The following ASIC2 variants were observed in gnomAD, a reference collection of about 807,000 sequenced individuals.
ASIC2 encodes acid-sensing ion channel 2.
ASIC2 carries 25 observed loss-of-function variants against 57.3 expected under a neutral mutation model. That is an observed-to-expected ratio of 0.44 (90% confidence interval 0.32 to 0.61). The LOEUF is 0.61. ASIC2 is among the 20% of genes least tolerant of loss of function. The pLI, the probability that ASIC2 is intolerant of heterozygous loss-of-function variation, is 0.06. For synonymous variants in ASIC2, 319 were observed against 307.5 expected, an observed-to-expected ratio of 1.04 and a Z score of -0.39; for missense variants, 641 against 738.1, an observed-to-expected ratio of 0.87 and a Z score of 1.52.
At chr17:33,995,331 C>A (rs1029667539) in intron 1 of ASIC2, among the ~76,000 whole-genome samples, 4 of 152,156 alleles carry the variant, frequency 2.6e-5, no homozygotes, top group Non-Finnish European at 5.9e-5. Context: ...GACCTCTTAA[C>A]CTTCAAGGCT....
At chr17:33,263,329 C>CGGGCTG (rs1909350547) in intron 1 of ASIC2, among the ~76,000 whole-genome samples, 2 of 152,342 alleles carry the variant, frequency 1.3e-5, no homozygotes, top group East Asian at 3.9e-4. Flanking sequence ...GCTGTGGCTC[C>CGGGCTG]TGGCTGTGAG....
At chr17:33,748,723 G>A (rs1215184280) in intron 1 of ASIC2, among the ~76,000 whole-genome samples, 1 of 152,182 alleles carries the variant, frequency 6.6e-6, no homozygotes, top group Non-Finnish European at 1.5e-5. Flanking sequence ...GCTGCCTTAC[G>A]GCTCTAGAAC....
At chr17:33,799,264 T>C (rs1187514790) in intron 1 of ASIC2, among the ~76,000 whole-genome samples, 1 of 151,490 alleles carries the variant, frequency 6.6e-6, no homozygotes, top group Non-Finnish European at 1.5e-5. Context: ...CTTCCATCAA[T>C]CCGTTTTTCC....
chr17:33,406,896 A>G (rs575503699), intron 1 of ASIC2, among the ~76,000 whole-genome samples: 1 of 152,352 alleles, frequency 6.6e-6, no homozygotes, highest in African/African-American at 2.4e-5. Context: ...AAGTTATAAT[A>G]GACTAATGTT....
rs933519360 is a variant in ASIC2, at chr17:33,813,728, G to A, written c.555+342250C>T. On this transcript the variant is annotated intron_variant, in intron 1 of 9. Coordinates refer to the ASIC2 transcript ENST00000359872. ...TGGGATTACAGGCGTGAGCCACTGC[G>A]CCCGGCCTAAAGCCAAGTTTTAAAC... 9.2e-5 allele frequency among the ~76,000 whole-genome samples: 14 copies of A among 152,380 alleles called. No homozygotes were observed. The South Asian group carries it at 2.7e-3, about 29-fold the overall frequency.
chr17:33,032,222 A>C (rs1281181667), intron 3 of ASIC2, among the ~76,000 whole-genome samples: 1 of 151,996 alleles, frequency 6.6e-6, no homozygotes, highest in Non-Finnish European at 1.5e-5. Context: ...GGGTTAATTG[A>C]ATATTGTTTT....
intron 1 of ASIC2, among the ~76,000 whole-genome samples, chr17:33,671,734 T>G (rs915257833): frequency 2.6e-5 from 4 of 152,204 alleles, no homozygotes; most frequent in African/African-American, 9.7e-5. Flanking sequence ...AAGTCCAGAT[T>G]AGATGTCAGT....
chr17:33,773,410 G>T (rs547879841), intron 1 of ASIC2, among the ~76,000 whole-genome samples: 1 of 152,242 alleles, frequency 6.6e-6, no homozygotes, highest in East Asian at 1.9e-4. Flanking sequence ...GAATTAGCTT[G>T]TTCTAGCTTT....
rs547440065 is a variant in ASIC2 at position 33,081,348 on chromosome 17, T to C, written c.987+7515A>G. ...AAGTGATTAAGTAGCTAAACTAGCA[T>C]ATGCTTAATTGATTCTTATTCTTGG... On this transcript the variant is annotated intron_variant, in intron 3 of 9. Transcript: ENST00000225823. Among the ~76,000 whole-genome samples, 3 of 152,382 alleles carry C rather than the reference T, an allele frequency of 2.0e-5. No homozygotes were observed. In the South Asian group the frequency reaches 6.2e-4, roughly 32 times the overall value.
chr17:34,125,330 A>G lies in ASIC2; in HGVS notation c.555+30648T>C, dbSNP rs578096335. ...ACGTGTGCGCATGTGTGTGTGGTTT[A>G]TATTGTTTTTATTTCTAATTAACTT... On this transcript the variant is annotated intron_variant, in intron 1 of 9. Coordinates refer to the ASIC2 transcript ENST00000359872. Among the ~76,000 whole-genome samples the G allele has an allele frequency of 1.2e-4, 19 of 152,174 alleles. 1 individual carries two copies. In the South Asian group the frequency reaches 3.3e-3, roughly 27 times the overall value.
intron 3 of ASIC2, among the ~76,000 whole-genome samples, chr17:33,075,980 TA>T (rs2092087683): frequency 6.6e-6 from 1 of 152,146 alleles, no homozygotes; most frequent in Non-Finnish European, 1.5e-5. Flanking sequence ...CTAATGCAAC[TA>T]ATCAATCCAA....
chr17:33,718,525 T>C (rs1360790011), intron 1 of ASIC2, among the ~76,000 whole-genome samples: 1 of 151,834 alleles, frequency 6.6e-6, no homozygotes, highest in Non-Finnish European at 1.5e-5. Flanking sequence ...CCCAACAATT[T>C]CAGGATGTGT....
chr17:33,205,894 C>T (rs186023306), intron 1 of ASIC2, among the ~76,000 whole-genome samples: 89 of 152,324 alleles, frequency 5.8e-4, no homozygotes, highest in Non-Finnish European at 1.6e-4. Context: ...GCCACAAAGA[C>T]CCCCTAATTC....
chr17:33,145,848 A>G (rs1160122957), intron 1 of ASIC2, among the ~76,000 whole-genome samples: 2 of 152,142 alleles, frequency 1.3e-5, no homozygotes, highest in African/African-American at 4.8e-5. Context: ...TGACTTGCTG[A>G]AAGAATTGGT....
At chr17:33,456,529 C>T (rs1045312454) in intron 1 of ASIC2, among the ~76,000 whole-genome samples, 1 of 152,214 alleles carries the variant, frequency 6.6e-6, no homozygotes, top group Non-Finnish European at 1.5e-5. Context: ...ACTGATACAT[C>T]TTTCTGATGG....
At chr17:33,465,011 T>A (rs1912815227) in intron 1 of ASIC2, among the ~76,000 whole-genome samples, 1 of 152,160 alleles carries the variant, frequency 6.6e-6, no homozygotes, top group Non-Finnish European at 1.5e-5. Context: ...TCCATTAAGA[T>A]AATGTCTGGG....
chr17:34,129,813 T>C (rs1005998200), intron 1 of ASIC2, among the ~76,000 whole-genome samples: 1 of 152,204 alleles, frequency 6.6e-6, no homozygotes, highest in Non-Finnish European at 1.5e-5. Flanking sequence ...AAAGCTTCCT[T>C]AAAATCTAGA....
intron 1 of ASIC2, among the ~76,000 whole-genome samples, chr17:33,202,040 A>G (rs570262635): frequency 2.6e-4 from 39 of 151,518 alleles, no homozygotes; most frequent in African/African-American, 8.2e-4. Flanking sequence ...AAAAAAAGAA[A>G]AAGAAAAGAA....
chr17:33,198,898 C>T lies in ASIC2; in HGVS notation c.709-86831G>A, dbSNP rs150039714. ...GATCAGGCCTTGACCATGTCATTAA[C>T]CGTCCTGCTTGGAGACCTGGCTCAT... On this transcript the variant is annotated intron_variant, in intron 1 of 9. Coordinates refer to ENST00000225823, the MANE Select transcript of ASIC2 (RefSeq NM_183377.2). Among the ~76,000 whole-genome samples the T allele has an allele frequency of 3.8e-3, 576 of 152,286 alleles. 3 individuals are homozygous for T. The highest frequency in any genetic ancestry group is 5.9e-3 in the Non-Finnish European group (399 of 68,018).
Sources: allele counts gnomAD v4.1 joint callset (sites outside exome capture counted in the v4.1 genomes callset), GRCh38; gene constraint gnomAD v4.1.1; transcripts MANE v1.5; gene names NCBI Gene and HGNC (gene_info 2026-07-23, HGNC 2026-07-21).